The following RUSC2 variants were observed in gnomAD, a reference collection of about 807,000 sequenced individuals.
RUSC2 encodes RUN and SH3 domain containing 2.
Under a neutral mutation model 122.2 loss-of-function variants are expected in RUSC2, and 34 were observed. That is an observed-to-expected ratio of 0.28 (90% CI 0.21 to 0.37). The LOEUF is 0.37. Ranked by LOEUF, RUSC2 falls within the 10% of genes least tolerant of loss-of-function variation. The probability of loss-of-function intolerance (pLI) is 1.00; values close to 1 mark genes in which losing one functional copy is unlikely to be tolerated. For synonymous variants in RUSC2, 784 were observed against 790.0 expected (o/e 0.99, Z 0.13); for missense variants, 1,747 against 1,952.4 (o/e 0.89, Z 1.98).
chr9:35,504,054 C>T (rs1368580079), intron 1 of RUSC2, among the ~76,000 whole-genome samples: 22 of 152,144 alleles, frequency 1.4e-4, no homozygotes, highest in Admixed American at 9.8e-4. Context: ...GGTTTACAGG[C>T]GTGAGCCACC....
chr9:35,556,345 C>T lies in RUSC2; in HGVS notation c.2880C>T (p.Asp960=). The change falls in exon 5 of 12, where the codon GAC becomes GAT. Residue 960 remains aspartate (D), a synonymous_variant. Transcript: ENST00000361226. ...AVKPLPLTCP[D]FQDPFSLTEK... is the part of the protein sequence containing the mutation. ...AGCCGTTACCACTGACCTGCCCTGA[C>T]TTCCAGGACCCCTTTTCCTTGACGG... 1.2e-6 allele frequency: 2 copies of T among 1,614,232 alleles called. No individual in the cohort carries two copies. Among genetic ancestry groups the T allele is most frequent in the Non-Finnish European group, 1.7e-6 (2 of 1,180,044 alleles).
rs1275419170 is a variant in RUSC2, at chr9:35,558,010, G to A, written c.3060+20G>A. 3.1e-6 allele frequency: 5 copies of A among 1,612,244 alleles called. No homozygotes were observed. In the Admixed American group the frequency reaches 5.0e-5, roughly 16 times the overall value. On this transcript the variant is annotated intron_variant, in intron 6 of 11. Coordinates refer to ENST00000361226, the MANE Select transcript of RUSC2 (RefSeq NM_014806.5). This position sits in a 1 kb window ranked among gnomAD's most constrained non-coding sequence, Gnocchi z 4.3. ...GTGAAGGTAGGCAAGGAAATGTGGA[G>A]AGCTGAGCTCTGCCTGCAAGCCCTC...
intron 1 of RUSC2, among the ~76,000 whole-genome samples, chr9:35,495,116 T>A (rs13302202): frequency 9.2e-4 from 5 of 5,458 alleles, no homozygotes; most frequent in East Asian, 5.3e-3. Flanking sequence ...TATTATACAT[T>A]ATATACACTA....
At chr9:35,506,254 T>A (rs1820914409) in intron 1 of RUSC2, among the ~76,000 whole-genome samples, 1 of 152,250 alleles carries the variant, frequency 6.6e-6, no homozygotes, top group Admixed American at 6.5e-5. Flanking sequence ...CTGAATTGTA[T>A]ACATTAAAAA....
At chr9:35,535,240 C>T (rs1033906210) in intron 1 of RUSC2, among the ~76,000 whole-genome samples, 1 of 151,630 alleles carries the variant, frequency 6.6e-6, no homozygotes, top group Non-Finnish European at 1.5e-5. Flanking sequence ...CTCAGCCTCC[C>T]GAATAGCTGG....
intron 1 of RUSC2, among the ~76,000 whole-genome samples, chr9:35,492,773 C>T (rs1820592539): frequency 6.6e-6 from 1 of 151,970 alleles, no homozygotes; most frequent in Admixed American, 6.6e-5. Flanking sequence ...ATAACAATCT[C>T]CAGAACTTTT....
At chr9:35,524,726 C>G (rs1821288034) in intron 1 of RUSC2, among the ~76,000 whole-genome samples, 1 of 152,156 alleles carries the variant, frequency 6.6e-6, no homozygotes, top group Non-Finnish European at 1.5e-5. Context: ...AATCCCAGCA[C>G]TTTGGGAGGC....
intron 1 of RUSC2, among the ~76,000 whole-genome samples, chr9:35,519,982 T>C (rs1272599913): frequency 6.6e-6 from 1 of 152,208 alleles, no homozygotes; most frequent in Non-Finnish European, 1.5e-5. Context: ...GAACCTAGGC[T>C]GCTGAATACT....
chr9:35,560,339 T>C lies in RUSC2; in HGVS notation c.3699T>C (p.Gly1233=). 1.9e-6 allele frequency: 3 copies of C among 1,609,870 alleles called. No homozygotes were observed. Among genetic ancestry groups the C allele is most frequent in the Non-Finnish European group, 2.5e-6 (3 of 1,177,860 alleles). Residue 1233 remains glycine (G), a synonymous_variant, in exon 10 of 12, where the codon GGT becomes GGC. Coordinates refer to ENST00000361226, the MANE Select transcript of RUSC2 (RefSeq NM_014806.5). The part of the protein sequence containing the change: ...AAQGERVKGV[G]ASEGGEEEEE... ...AAGGGGAGCGGGTGAAGGGTGTGGGTGCCTCAGAAGGTGGAGAAGAGGAAG... is the reference window on the plus strand; with the variant it reads ...AAGGGGAGCGGGTGAAGGGTGTGGGCGCCTCAGAAGGTGGAGAAGAGGAAG...
At chr9:35,505,342 A>G (rs747406773) in intron 1 of RUSC2, among the ~76,000 whole-genome samples, 2 of 152,158 alleles carry the variant, frequency 1.3e-5, no homozygotes, top group Non-Finnish European at 1.5e-5. Context: ...TTGTATGCAC[A>G]TGGTTTTCTC....
At chr9:35,496,304 A>T (rs1379135000) in intron 1 of RUSC2, among the ~76,000 whole-genome samples, 1 of 152,196 alleles carries the variant, frequency 6.6e-6, no homozygotes, top group East Asian at 1.9e-4. Context: ...TCGACTTAAA[A>T]TTAAGTCAGG....
intron 1 of RUSC2, among the ~76,000 whole-genome samples, chr9:35,495,534 A>G (rs780599489): frequency 5.3e-5 from 8 of 151,702 alleles, no homozygotes; most frequent in Non-Finnish European, 1.2e-4. Context: ...CTTTATGTTT[A>G]TCTTTATGCT....
At chr9:35,515,406 C>T (rs1349843898) in intron 1 of RUSC2, among the ~76,000 whole-genome samples, 1 of 151,170 alleles carries the variant, frequency 6.6e-6, no homozygotes, top group African/African-American at 2.4e-5. Flanking sequence ...CAGATTGCTG[C>T]TATTTTTTTT....
chr9:35,498,049 T>A (rs1337220426), intron 1 of RUSC2, among the ~76,000 whole-genome samples: 2 of 152,200 alleles, frequency 1.3e-5, no homozygotes, highest in Non-Finnish European at 1.5e-5. Flanking sequence ...TAAAAAATGC[T>A]TAGGGTATTT....
intron 1 of RUSC2, among the ~76,000 whole-genome samples, chr9:35,499,013 G>T (rs1226132029): frequency 1.3e-5 from 2 of 152,014 alleles, no homozygotes; most frequent in Non-Finnish European, 2.9e-5. Context: ...GAGGCCAGGC[G>T]TGGCGGCTTA....
At position 35,561,428 on chromosome 9, in the gene RUSC2, A is replaced by G. The variant is rs1822172969; in HGVS notation, c.*46A>G. 1.3e-6 allele frequency: 2 copies of G among 1,504,082 alleles called. No homozygotes were observed. The highest frequency in any genetic ancestry group is 2.5e-5 in the South Asian group (2 of 79,324). 93.2% of individuals were successfully genotyped at this position (1,504,082 alleles called of 1,614,324 possible). A position where few individuals can be genotyped will look rare whatever the true frequency, so the allele number is the denominator to read the frequency against. On this transcript the variant is annotated 3_prime_UTR_variant, in exon 12 of 12. Transcript: ENST00000361226. ...CCTCAGGGACCCTCATAACCCCCAGACTCAGAGCCCGAGAGCCCTTCCCAA... is the reference window on the plus strand; with the variant it reads ...CCTCAGGGACCCTCATAACCCCCAGGCTCAGAGCCCGAGAGCCCTTCCCAA...
At chr9:35,496,675 C>T (rs904168540) in intron 1 of RUSC2, among the ~76,000 whole-genome samples, 1 of 152,156 alleles carries the variant, frequency 6.6e-6, no homozygotes, top group Non-Finnish European at 1.5e-5. Context: ...GAATTTCATG[C>T]AACCACCAGA....
At chr9:35,495,066 A>T (rs1820663246) in intron 1 of RUSC2, among the ~76,000 whole-genome samples, 1 of 60,480 alleles carries the variant, frequency 1.7e-5, no homozygotes, top group African/African-American at 7.3e-5. Flanking sequence ...ATACTATAGT[A>T]TATATTATAT....
At position 35,550,255 on chromosome 9, in the gene RUSC2, A is replaced by T. The variant is rs190545200; in HGVS notation, c.2014+1720A>T. Among the ~76,000 whole-genome samples, 336 of 152,136 alleles carry T rather than the reference A, an allele frequency of 2.2e-3. 3 individuals carry two copies. Among genetic ancestry groups the T allele is most frequent in the Middle Eastern group, 0.017 (5 of 294 alleles). On this transcript the variant is annotated intron_variant, in intron 2 of 11. Transcript: ENST00000361226. Reference sequence around the variant, plus strand: ...TTGGATCACTGGTTGTTTGGGTAGAAGATGGACTGGAAGGGGTGTCTTCCT... The same window carrying T: ...TTGGATCACTGGTTGTTTGGGTAGATGATGGACTGGAAGGGGTGTCTTCCT...
Sources: gnomAD v4.1 joint callset for allele counts (sites outside exome capture counted in the v4.1 genomes callset) on GRCh38, gnomAD v4.1.1 for gene constraint, Gnocchi (gnomAD v3.1) non-coding constraint, MANE v1.5 for transcripts, NCBI Gene and HGNC (gene_info 2026-07-23, HGNC 2026-07-21) for gene names.